Variants in CHD9 observed in about 807,000 individuals in gnomAD.
CHD9 encodes ATP-dependent chromatin remodeler CHD9.
CHD9 carries 77 observed loss-of-function variants against 316.1 expected under a neutral mutation model. The observed-to-expected ratio is 0.24, with a 90% confidence interval of 0.20 to 0.29. The LOEUF (loss-of-function observed/expected upper bound fraction) is 0.29. CHD9 is among the 10% of genes least tolerant of loss of function. The probability of loss-of-function intolerance (pLI) is 1.00; values close to 1 mark genes in which losing one functional copy is unlikely to be tolerated. For synonymous variants in CHD9, 1,129 were observed against 1,158.3 expected (o/e 0.97, Z 0.51); for missense variants, 2,763 against 3,438.1 (o/e 0.80, Z 4.91).
chr16:53,300,487 A>G (rs922921348), intron 30 of CHD9, among the ~76,000 whole-genome samples: 3 of 152,224 alleles, frequency 2.0e-5, no homozygotes, highest in Non-Finnish European at 4.4e-5. Context: ...GAACTGTATC[A>G]CCCTAAATAA....
chr16:53,138,502 G>A (rs185811508), intron 1 of CHD9, among the ~76,000 whole-genome samples: 3 of 152,248 alleles, frequency 2.0e-5, no homozygotes, highest in East Asian at 1.9e-4. Flanking sequence ...AAAATTCAAG[G>A]TATGGTTTCA....
At chr16:53,195,586 A>C (rs184193833) in intron 2 of CHD9, among the ~76,000 whole-genome samples, 3 of 152,154 alleles carry the variant, frequency 2.0e-5, no homozygotes, top group Non-Finnish European at 1.5e-5. Flanking sequence ...ATTTCCTTGC[A>C]ACTGTAGAAC....
At chr16:53,259,824 T>C (rs567788528) in intron 19 of CHD9, among the ~76,000 whole-genome samples, 7 of 152,300 alleles carry the variant, frequency 4.6e-5, no homozygotes, top group Non-Finnish European at 8.8e-5. Context: ...CTGCTTTTCA[T>C]GTTAAATGTT....
At chr16:53,317,780 G>A (rs528982275) in intron 36 of CHD9, among the ~76,000 whole-genome samples, 8 of 152,244 alleles carry the variant, frequency 5.3e-5, no homozygotes, top group African/African-American at 9.6e-5. Context: ...TTGGCCAGGC[G>A]TGGTGGCTCA....
At chr16:53,129,066 T>C (rs2039098900) in intron 1 of CHD9, among the ~76,000 whole-genome samples, 1 of 152,106 alleles carries the variant, frequency 6.6e-6, no homozygotes, top group South Asian at 2.1e-4. Flanking sequence ...TAGGGACAAA[T>C]TTTGCATATT....
intron 1 of CHD9, among the ~76,000 whole-genome samples, chr16:53,143,230 C>T (rs1031163122): frequency 1.3e-5 from 2 of 152,038 alleles, no homozygotes; most frequent in Non-Finnish European, 2.9e-5. Context: ...TTATCAGAAA[C>T]ATGTCAAGGA....
At chr16:53,189,826 G>A (rs1267095861) in intron 2 of CHD9, among the ~76,000 whole-genome samples, 1 of 152,020 alleles carries the variant, frequency 6.6e-6, no homozygotes, top group Non-Finnish European at 1.5e-5. Context: ...TATAAATGAA[G>A]ATATATTTTA....
intron 1 of CHD9, among the ~76,000 whole-genome samples, 154 bp downstream of exon 1, chr16:53,055,231 G>T (rs1044032300): frequency 1.3e-5 from 2 of 152,054 alleles, no homozygotes. Context: ...CCAGAGACCC[G>T]CAGCCTCGGA....
intron 2 of CHD9, chr16:53,168,603 A>T (rs796273932): frequency 2.6e-4 from 39 of 152,340 alleles, no homozygotes; most frequent in African/African-American, 8.7e-4. Flanking sequence ...CAGCAAAAAA[A>T]TAACAAAAGT....
At chr16:53,270,882 C>T (rs560241264) in intron 22 of CHD9, among the ~76,000 whole-genome samples, 9 of 152,076 alleles carry the variant, frequency 5.9e-5, no homozygotes, top group African/African-American at 9.6e-5. Context: ...TCATTCAAAG[C>T]GGTTTAAAAA....
chr16:53,263,676 G>A (rs191029569), intron 20 of CHD9, among the ~76,000 whole-genome samples: 462 of 152,130 alleles, frequency 3.0e-3, no homozygotes, highest in Middle Eastern at 0.024. Flanking sequence ...ATGATTAAAG[G>A]AATTTTATAT....
chr16:53,268,774 T>C (rs1480918824), intron 22 of CHD9, among the ~76,000 whole-genome samples: 1 of 152,138 alleles, frequency 6.6e-6, no homozygotes, highest in Admixed American at 6.6e-5. Context: ...AACATTGATA[T>C]GCAATTTTAA....
chr16:53,320,364 A>G (rs2057190010), intron 37 of CHD9, among the ~76,000 whole-genome samples: 2 of 152,070 alleles, frequency 1.3e-5, no homozygotes, highest in Non-Finnish European at 2.9e-5. Context: ...TCTTCTAAAA[A>G]TAGAAAAATT....
At chr16:53,168,068 A>T (rs1051574564) in intron 2 of CHD9, among the ~76,000 whole-genome samples, 19 of 151,818 alleles carry the variant, frequency 1.3e-4, no homozygotes, top group Admixed American at 3.9e-4. Flanking sequence ...TTATTTATTT[A>T]TTTATTTTTT....
intron 2 of CHD9, among the ~76,000 whole-genome samples, chr16:53,157,752 A>G (rs2041622960): frequency 6.6e-6 from 1 of 152,216 alleles, no homozygotes; most frequent in African/African-American, 2.4e-5. Flanking sequence ...ATTAGCTTCT[A>G]TATTTAGAAA....
At chr16:53,252,607 C>CA (rs1258946404) in intron 17 of CHD9, among the ~76,000 whole-genome samples, 1 of 151,214 alleles carries the variant, frequency 6.6e-6, no homozygotes, top group Non-Finnish European at 1.5e-5. Flanking sequence ...GCAGAGTAAA[C>CA]AGACAACCCA....
At chr16:53,102,971 G>C (rs867563271) in intron 1 of CHD9, among the ~76,000 whole-genome samples, 12 of 151,630 alleles carry the variant, frequency 7.9e-5, no homozygotes, top group Middle Eastern at 6.9e-3. Flanking sequence ...TCAGCCTCCT[G>C]AGTAGCTGGG....
intron 3 of CHD9, among the ~76,000 whole-genome samples, chr16:53,214,336 G>A (rs2046568666): frequency 1.3e-5 from 2 of 152,128 alleles, no homozygotes; most frequent in African/African-American, 4.8e-5. Context: ...TGTTAATAAA[G>A]TGACGTATGA....
chr16:53,309,883 A>G (rs1170142727), intron 34 of CHD9, among the ~76,000 whole-genome samples: 1 of 152,232 alleles, frequency 6.6e-6, no homozygotes, highest in African/African-American at 2.4e-5. Flanking sequence ...AGATTAACTG[A>G]GTCTTAATGC....
Sources: allele counts gnomAD v4.1 joint callset (sites outside exome capture counted in the v4.1 genomes callset), GRCh38; gene constraint gnomAD v4.1.1; transcripts MANE v1.5; gene names NCBI Gene and HGNC (gene_info 2026-07-23, HGNC 2026-07-21).